The following PI4K2B variants were observed in gnomAD, a reference collection of about 807,000 sequenced individuals.
The protein encoded by PI4K2B is phosphatidylinositol 4-kinase type 2 beta, also known as phosphatidylinositol 4-kinase type 2-beta.
PI4K2B carries 46 observed loss-of-function variants against 56.6 expected under a neutral mutation model. That is an observed-to-expected ratio of 0.81 (90% CI 0.64 to 1.04). The LOEUF is 1.04. Ranked by LOEUF, PI4K2B falls within the 50% of genes least tolerant of loss-of-function variation. The probability of loss-of-function intolerance (pLI) is 0.00; values close to 1 mark genes in which losing one functional copy is unlikely to be tolerated. For synonymous variants in PI4K2B, 211 were observed against 223.8 expected (o/e 0.94, Z 0.51); for missense variants, 556 against 607.7 (o/e 0.91, Z 0.89).
At chr4:25,272,371 G>A (rs1332652758) in intron 9 of PI4K2B, among the ~76,000 whole-genome samples, 1 of 152,126 alleles carries the variant, frequency 6.6e-6, no homozygotes, top group African/African-American at 2.4e-5. Flanking sequence ...GTTATTATAC[G>A]TTGTCACTTG....
intron 1 of PI4K2B, 89 bp from the exon 2 acceptor site, chr4:25,252,232 G>T (rs1304411410): frequency 3.6e-6 from 3 of 830,184 alleles, no homozygotes; most frequent in Admixed American, 2.3e-5. Flanking sequence ...ACATTTTTCT[G>T]TACCTTATAT....
At chr4:25,275,864 G>T (rs757684077) in intron 9 of PI4K2B, among the ~76,000 whole-genome samples, 11 of 152,080 alleles carry the variant, frequency 7.2e-5, no homozygotes, top group Non-Finnish European at 1.6e-4. Context: ...AGCACTTTAA[G>T]AGGCCAAGGC....
In PI4K2B at chr4:25,276,499, A is replaced by G. The variant is rs146085107; in HGVS notation, c.1273-515A>G. Reference sequence around the variant, plus strand: ...ATGTTTATTGACTCTTCTCCCTGCTAAAGTGTAAGCTCTACGAAGGCAGCA... The same window carrying G: ...ATGTTTATTGACTCTTCTCCCTGCTGAAGTGTAAGCTCTACGAAGGCAGCA... On this transcript the variant is annotated intron_variant, in intron 9 of 9. Coordinates refer to ENST00000264864, the MANE Select transcript of PI4K2B (RefSeq NM_018323.4). The G allele has an allele frequency of 3.9e-5, 10 of 258,906 alleles. No homozygotes were observed. In the South Asian group the frequency reaches 5.8e-4, roughly 15 times the overall value. The allele number at this position is 258,906 out of a possible 1,614,324, so 16.0% of individuals were successfully genotyped here. A position where few individuals can be genotyped will look rare whatever the true frequency, so the allele number is the denominator to read the frequency against.
chr4:25,261,472 A>G (rs1357840304), intron 6 of PI4K2B, among the ~76,000 whole-genome samples: 2 of 152,162 alleles, frequency 1.3e-5, no homozygotes, highest in African/African-American at 4.8e-5. Context: ...TACTTTTACA[A>G]GTTTAAAACA....
At chr4:25,240,227 A>T (rs1044437260) in intron 1 of PI4K2B, among the ~76,000 whole-genome samples, 1 of 152,214 alleles carries the variant, frequency 6.6e-6, no homozygotes, top group African/African-American at 2.4e-5. Flanking sequence ...GGCATCTCGT[A>T]CTGGTTAGTG....
chr4:25,267,565 T>C (rs569504189), intron 7 of PI4K2B, among the ~76,000 whole-genome samples: 1 of 152,306 alleles, frequency 6.6e-6, no homozygotes, highest in African/African-American at 2.4e-5. Context: ...AAGGCAGATT[T>C]CTTCTTCAGG....
At chr4:25,264,070 G>T (rs1474471952) in intron 7 of PI4K2B, among the ~76,000 whole-genome samples, 1 of 152,102 alleles carries the variant, frequency 6.6e-6, no homozygotes, top group East Asian at 1.9e-4. Context: ...TAGGTTTTGT[G>T]TTATCCTTGG....
At chr4:25,237,048 C>T (rs1715291429) in intron 1 of PI4K2B, among the ~76,000 whole-genome samples, 1 of 152,164 alleles carries the variant, frequency 6.6e-6, no homozygotes, top group South Asian at 2.1e-4. Context: ...TGATGCTTAA[C>T]TCTTACTTAT....
chr4:25,265,612 A>G (rs1716637841), intron 7 of PI4K2B, among the ~76,000 whole-genome samples: 1 of 152,128 alleles, frequency 6.6e-6, no homozygotes, highest in Non-Finnish European at 1.5e-5. Context: ...AATAATTTAG[A>G]AGTATTTTGT....
At chr4:25,258,109 C>G (rs190652622) in intron 4 of PI4K2B, among the ~76,000 whole-genome samples, 1 of 151,780 alleles carries the variant, frequency 6.6e-6, no homozygotes, top group Admixed American at 6.6e-5. Flanking sequence ...GTCATATCTT[C>G]AAGGAAAGGA....
intron 9 of PI4K2B, among the ~76,000 whole-genome samples, chr4:25,271,685 A>C (rs1716901113): frequency 6.6e-6 from 1 of 152,186 alleles, no homozygotes; most frequent in African/African-American, 2.4e-5. Flanking sequence ...AAATAAATTG[A>C]CTTGACATAT....
chr4:25,264,385 T>A (rs1035445787), intron 7 of PI4K2B, among the ~76,000 whole-genome samples: 1 of 152,204 alleles, frequency 6.6e-6, no homozygotes, highest in African/African-American at 2.4e-5. Flanking sequence ...AGAATTCTCT[T>A]ATAATTAAAA....
intron 9 of PI4K2B, among the ~76,000 whole-genome samples, chr4:25,269,875 G>A (rs1392131685): frequency 3.3e-5 from 5 of 151,114 alleles, no homozygotes; most frequent in Admixed American, 1.3e-4. Context: ...CACCACACCC[G>A]GCTGATTTTT....
Position 25,234,391 on chromosome 4 carries a change from T to A in PI4K2B, c.228T>A (p.Ser76Arg). Reference protein sequence around the residue: ...LPPGDVGVSRSSSAELDRSRP... With the variant: ...LPPGDVGVSRRSSAELDRSRP... ...CCGGGGACGTGGGGGTCTCCCGGAG[T>A]TCGTCCGCCGAGCTGGACCGGAGCC... The change falls in exon 1 of 10, where the codon AGT (serine) becomes AGA (arginine). Residue 76 changes from serine to arginine, a missense_variant. Transcript: ENST00000264864. 1 of 1,398,124 alleles carries A rather than the reference T, an allele frequency of 7.2e-7. No individual in the cohort carries two copies. Among genetic ancestry groups the A allele is most frequent in the Non-Finnish European group, 9.3e-7 (1 of 1,075,516 alleles). The allele number at this position is 1,398,124 out of a possible 1,614,324, so 86.6% of individuals were successfully genotyped here. A position where few individuals can be genotyped will look rare whatever the true frequency, so the allele number is the denominator to read the frequency against.
intron 6 of PI4K2B, among the ~76,000 whole-genome samples, chr4:25,262,731 G>A (rs756007941): frequency 3.3e-5 from 5 of 152,132 alleles, no homozygotes; most frequent in South Asian, 2.1e-4. Flanking sequence ...GTGAACCACC[G>A]TGGTAAAATA....
chr4:25,237,109 G>A (rs983606995), intron 1 of PI4K2B, among the ~76,000 whole-genome samples: 1 of 152,182 alleles, frequency 6.6e-6, no homozygotes, highest in African/African-American at 2.4e-5. Context: ...TCATATGTCT[G>A]TTATCTTCAA....
Position 25,235,738 on chromosome 4 carries a change from T to TTACCTTGTGTAAGC in PI4K2B, c.268+1319_268+1332dup, listed in dbSNP as rs1312933105. Among the ~76,000 whole-genome samples, 31 of 152,356 alleles carry TTACCTTGTGTAAGC rather than the reference T, an allele frequency of 2.0e-4. 1 individual carries two copies. The highest frequency in any genetic ancestry group is 6.8e-3 in the Middle Eastern group (2 of 294). ...TAGCTAGCTTGCCTTTTTCTGTCCC[T>TTACCTTGTGTAAGC]TACCTTGTGTAAGCTACCTTGTGTA... On this transcript the variant is annotated intron_variant, in intron 1 of 9. Coordinates refer to ENST00000264864, the MANE Select transcript of PI4K2B (RefSeq NM_018323.4).
intron 1 of PI4K2B, among the ~76,000 whole-genome samples, chr4:25,234,894 T>G (rs1346593682): frequency 1.3e-5 from 2 of 152,200 alleles, no homozygotes; most frequent in African/African-American, 4.8e-5. Context: ...TTTCAAAACC[T>G]TTTTCTATTA....
At chr4:25,261,885 T>G (rs1028825766) in intron 6 of PI4K2B, among the ~76,000 whole-genome samples, 6 of 152,214 alleles carry the variant, frequency 3.9e-5, no homozygotes, top group Non-Finnish European at 7.3e-5. Flanking sequence ...TATAGGAAGT[T>G]AATTGTGTAT....
Sources: allele counts gnomAD v4.1 joint callset (sites outside exome capture counted in the v4.1 genomes callset), GRCh38; gene constraint gnomAD v4.1.1; transcripts MANE v1.5; gene names NCBI Gene and HGNC (gene_info 2026-07-23, HGNC 2026-07-21).